The following CEP78 variants were observed in gnomAD, a reference collection of about 807,000 sequenced individuals.
The protein encoded by CEP78 is centrosomal protein of 78 kDa.
In CEP78, 76 loss-of-function variants were observed where a neutral mutation model predicts 81.2. That is an observed-to-expected ratio of 0.94 (90% CI 0.78 to 1.13). CEP78 has a LOEUF of 1.13. Among genes scored for constraint, CEP78 ranks in the 50% most tolerant of loss-of-function variants. The pLI, the probability that CEP78 is intolerant of heterozygous loss-of-function variation, is 0.00. For missense variants in CEP78, 918 were observed against 846.8 expected, an observed-to-expected ratio of 1.08 and a Z score of -1.04; for synonymous variants, 293 against 301.4, an observed-to-expected ratio of 0.97 and a Z score of 0.29.
In CEP78 at chr9:78,273,259, A is replaced by T. The variant is rs899924328; in HGVS notation, c.*2408A>T. The T allele has an allele frequency of 6.6e-6, 1 of 152,242 alleles. No individual in the cohort carries two copies. Among genetic ancestry groups the T allele is most frequent in the Non-Finnish European group, 1.5e-5 (1 of 68,044 alleles). The allele number at this position is 152,242 out of a possible 1,614,324, so 9.4% of individuals were successfully genotyped here. A position where few individuals can be genotyped will look rare whatever the true frequency, so the allele number is the denominator to read the frequency against. On this transcript the variant is annotated 3_prime_UTR_variant, in exon 17 of 17. Transcript: ENST00000643273. ...TATTTGCAAAATCTAAAACGCTGTCATAGATTATAAAGAGATGAACAAAAA... is the reference window on the plus strand; with the variant it reads ...TATTTGCAAAATCTAAAACGCTGTCTTAGATTATAAAGAGATGAACAAAAA...
At chr9:78,252,502 C>T (rs917026715) in intron 9 of CEP78, among the ~76,000 whole-genome samples, 22 of 146,920 alleles carry the variant, frequency 1.5e-4, no homozygotes, top group Non-Finnish European at 2.7e-4. Context: ...CCAGATATAA[C>T]TAGTTTTAGC....
intron 12 of CEP78, among the ~76,000 whole-genome samples, chr9:78,263,419 G>A (rs2118452584): frequency 6.6e-6 from 1 of 152,168 alleles, no homozygotes; most frequent in Admixed American, 6.5e-5. Flanking sequence ...TATACCATGA[G>A]GACTAAATTA....
chr9:78,236,738 C>T, intron 1 of CEP78, 135 bp downstream of exon 1: 3 of 1,175,336 alleles, frequency 2.6e-6, no homozygotes. Context: ...AGGTGAGTGG[C>T]TTAAGGTCTC....
rs1371459824 is a variant in CEP78 at position 78,251,895 on chromosome 9, A to G, written c.1070-13A>G. On this transcript the variant is annotated splice_polypyrimidine_tract_variant and intron_variant, in intron 8 of 16. Transcript: ENST00000643273. ...TGCATCTTGATTCTTTCTTTTTAAC[A>G]CTTCTCAAGTAGGATTGGCTACAAA... 2 of 1,598,814 alleles carry G rather than the reference A, an allele frequency of 1.3e-6. No individual in the cohort carries two copies. The highest frequency in any genetic ancestry group is 2.2e-5 in the East Asian group (1 of 44,696).
At chr9:78,266,408 T>C (rs1827533531) in intron 15 of CEP78, 34 bp from the exon 16 acceptor site, 1 of 1,506,904 alleles carries the variant, frequency 6.6e-7, no homozygotes, top group South Asian at 1.2e-5. Flanking sequence ...TGGCTTTGTT[T>C]GTCACTAAAT....
At position 78,241,637 on chromosome 9, in the gene CEP78, A is replaced by G; in HGVS notation, c.500-59A>G. The G allele has an allele frequency of 6.7e-6, 5 of 747,706 alleles. No individual in the cohort carries two copies. The South Asian group carries it at 8.6e-5, about 13-fold the overall frequency. The allele number at this position is 747,706 out of a possible 1,614,324, so 46.3% of individuals were successfully genotyped here. On this transcript the variant is annotated intron_variant, in intron 3 of 16. Coordinates refer to ENST00000643273, the MANE Select transcript of CEP78 (RefSeq NM_001330691.3). ...ATATAAGAAGAGCAAATAAATCAAG[A>G]CTGACTAGGTTGTATATGCTCTTCA...
In CEP78 at chr9:78,265,915, A is replaced by G; in HGVS notation, c.1845+9A>G. ...AAGGAACACTAATGAAGGTACAAGT[A>G]CTGATATAGATAATTTTTCAGAATA... On this transcript the variant is annotated intron_variant, in intron 15 of 16. Transcript: ENST00000643273. 1 of 1,282,644 alleles carries G rather than the reference A, an allele frequency of 7.8e-7. No individual in the cohort carries two copies. Among genetic ancestry groups the G allele is most frequent in the South Asian group, 1.3e-5 (1 of 78,340 alleles). 79.5% of individuals were successfully genotyped at this position (1,282,644 alleles called of 1,614,324 possible).
At chr9:78,243,657 A>G (rs374919690) in intron 5 of CEP78, 21 bp downstream of exon 5, 2 of 1,604,082 alleles carry the variant, frequency 1.2e-6, no homozygotes, top group South Asian at 1.1e-5. Flanking sequence ...TGAACTTGTA[A>G]GGTGGAAAAT....
In CEP78 at chr9:78,240,314, T is replaced by C. The variant is rs761661253; in HGVS notation, c.449T>C (p.Leu150Ser). ...LAKGLNKSAS[L>S]VHLSLANCPI... is the part of the protein sequence containing the mutation. ...AAGGGATTGAATAAATCGGCTTCTTTGGTGCACCTGTCTCTTGCAAATTGT... is the reference window on the plus strand; with the variant it reads ...AAGGGATTGAATAAATCGGCTTCTTCGGTGCACCTGTCTCTTGCAAATTGT... The change falls in exon 3 of 17, where the codon TTG (leucine) becomes TCG (serine). Residue 150 changes from leucine (L) to serine (S), a missense_variant. Physicochemically the swap from Leu to Ser is moderately radical, Grantham distance 145. Transcript: ENST00000643273. The C allele has an allele frequency of 2.3e-5, 36 of 1,598,938 alleles. No homozygotes were observed. Among genetic ancestry groups the C allele is most frequent in the Admixed American group, 5.2e-5 (3 of 57,676 alleles).
chr9:78,247,511 G>C (rs1440651604), intron 6 of CEP78, among the ~76,000 whole-genome samples: 1 of 152,250 alleles, frequency 6.6e-6, no homozygotes, highest in Non-Finnish European at 1.5e-5. Context: ...ATGCTACAAA[G>C]TCAGACAACT....
At position 78,272,490 on chromosome 9, in the gene CEP78, A is replaced by C. The variant is rs1395450144; in HGVS notation, c.*1639A>C. The C allele has an allele frequency of 6.6e-6, 1 of 152,252 alleles. No individual in the cohort carries two copies. Among genetic ancestry groups the C allele is most frequent in the African/African-American group, 2.4e-5 (1 of 41,462 alleles). 9.4% of individuals were successfully genotyped at this position (152,252 alleles called of 1,614,324 possible). ...CTAATGACATATGAAAACAAAGTCC[A>C]ACCAAAGTTCTAGGTTTGAACATGA... On this transcript the variant is annotated 3_prime_UTR_variant, in exon 17 of 17. Coordinates refer to ENST00000643273, the MANE Select transcript of CEP78 (RefSeq NM_001330691.3).
intron 13 of CEP78, among the ~76,000 whole-genome samples, chr9:78,264,559 C>T (rs1827427975): frequency 6.6e-6 from 1 of 150,750 alleles, no homozygotes; most frequent in African/African-American, 2.4e-5. Context: ...CCTGTAATCC[C>T]AGCTACTTGG....
chr9:78,256,308 A>G (rs1165087669), intron 11 of CEP78, among the ~76,000 whole-genome samples: 1 of 152,216 alleles, frequency 6.6e-6, no homozygotes, highest in Non-Finnish European at 1.5e-5. Flanking sequence ...GACAGTTTGT[A>G]TATGGAAGAG....
Position 78,253,287 on chromosome 9 carries a change from T to TA in CEP78, c.1251+11dup, listed in dbSNP as rs1826851574. On this transcript the variant is annotated intron_variant, in intron 10 of 16. Coordinates refer to ENST00000643273, the MANE Select transcript of CEP78 (RefSeq NM_001330691.3). ...ATGTAATCAGTTGCAGGTACGTAGTTACCATGTTTATAATATGTAGGGGAT... is the reference window on the plus strand; with the variant it reads ...ATGTAATCAGTTGCAGGTACGTAGTTAACCATGTTTATAATATGTAGGGGAT... The TA allele has an allele frequency of 3.2e-6, 4 of 1,240,466 alleles. No homozygotes were observed. Among genetic ancestry groups the TA allele is most frequent in the Non-Finnish European group, 4.7e-6 (4 of 853,298 alleles). 76.8% of individuals were successfully genotyped at this position (1,240,466 alleles called of 1,614,324 possible).
At chr9:78,245,587 A>G (rs1186751549) in intron 5 of CEP78, among the ~76,000 whole-genome samples, 1 of 152,156 alleles carries the variant, frequency 6.6e-6, no homozygotes, top group African/African-American at 2.4e-5. Context: ...GACTTCAGTT[A>G]TTTTAATGTA....
chr9:78,251,655 GAT>G (rs1183573928), intron 8 of CEP78, among the ~76,000 whole-genome samples: 1 of 151,514 alleles, frequency 6.6e-6, no homozygotes, highest in Non-Finnish European at 1.5e-5. Context: ...TAGTTAAAGT[GAT>G]AACTTGTTAC....
chr9:78,253,607 G>T, intron 10 of CEP78: 1 of 222,676 alleles, frequency 4.5e-6, no homozygotes, highest in Non-Finnish European at 9.0e-6. Flanking sequence ...AAGTTTAAAA[G>T]AAATGTTCTT....
Position 78,264,194 on chromosome 9 carries a change from G to T in CEP78, c.1503G>T (p.Leu501Phe). The change falls in exon 13 of 17, where the codon TTG (leucine) becomes TTT (phenylalanine). Residue 501 changes from leucine (L) to phenylalanine (F), a missense_variant. Transcript: ENST00000643273. Reference protein sequence around the residue: ...NAQLRNINFSLSEALHAQSLT... With the variant: ...NAQLRNINFSFSEALHAQSLT... ...AGTTAAGAAATATAAATTTCTCTTT[G>T]TCTGAAGCCCTTCATGCACAGTCAT... 6.4e-7 allele frequency: 1 copy of T among 1,551,182 alleles called. No homozygotes were observed. Among genetic ancestry groups the T allele is most frequent in the Non-Finnish European group, 8.7e-7 (1 of 1,150,322 alleles).
chr9:78,253,483 G>A lies in CEP78; in HGVS notation c.1251+206G>A, dbSNP rs908547605. 3.8e-5 allele frequency: 18 copies of A among 470,876 alleles called. No individual in the cohort carries two copies. In the South Asian group the frequency reaches 6.2e-4, roughly 16 times the overall value. 29.2% of individuals were successfully genotyped at this position (470,876 alleles called of 1,614,324 possible). On this transcript the variant is annotated intron_variant, in intron 10 of 16. Coordinates refer to ENST00000643273, the MANE Select transcript of CEP78 (RefSeq NM_001330691.3). Reference sequence around the variant, plus strand: ...ATGGAGGCCTTGTGGTTTCATCTGTGTAGACAGGAAGTCATTTCTCTGGGT... The same window carrying A: ...ATGGAGGCCTTGTGGTTTCATCTGTATAGACAGGAAGTCATTTCTCTGGGT...
Sources: allele counts gnomAD v4.1 joint callset (sites outside exome capture counted in the v4.1 genomes callset), GRCh38; gene constraint gnomAD v4.1.1; transcripts MANE v1.5; gene names NCBI Gene and HGNC (gene_info 2026-07-23, HGNC 2026-07-21).